The following SLC16A6 variants were observed in gnomAD, a reference collection of about 807,000 sequenced individuals.
The protein encoded by SLC16A6 is solute carrier family 16 member 6, also known as monocarboxylate transporter 7.
Under a neutral mutation model 33.8 loss-of-function variants are expected in SLC16A6, and 15 were observed. The ratio of observed to expected loss-of-function variants is 0.44; its 90% CI spans 0.30 to 0.68. The LOEUF (loss-of-function observed/expected upper bound fraction) is 0.68, where lower values mean the gene tolerates loss of function less well. SLC16A6 is among the 30% of genes least tolerant of loss of function. The pLI, the probability that SLC16A6 is intolerant of heterozygous loss-of-function variation, is 0.10. For missense variants in SLC16A6, 451 were observed against 661.5 expected, an observed-to-expected ratio of 0.68 and a Z score of 3.49; for synonymous variants, 219 against 248.4, an observed-to-expected ratio of 0.88 and a Z score of 1.11.
At chr17:68,287,315 C>T (rs1337687817) in intron 1 of SLC16A6, among the ~76,000 whole-genome samples, 1 of 151,698 alleles carries the variant, frequency 6.6e-6, no homozygotes, top group African/African-American at 2.4e-5. Flanking sequence ...GCATGCCCAG[C>T]CTTCTTCTTC....
At chr17:68,287,457 G>C (rs2075867347) in intron 1 of SLC16A6, among the ~76,000 whole-genome samples, 1 of 151,970 alleles carries the variant, frequency 6.6e-6, no homozygotes, top group South Asian at 2.1e-4. Flanking sequence ...ACCTCACCTA[G>C]CCAGATGGTG....
rs2075588240 is a variant in SLC16A6 at position 68,278,244 on chromosome 17, GCCCAGC to G, written c.71_76del (p.Gly24_Trp25del). 1 of 1,614,082 alleles carries G rather than the reference GCCCAGC, an allele frequency of 6.2e-7. No homozygotes were observed. Among genetic ancestry groups the G allele is most frequent in the Admixed American group, 1.7e-5 (1 of 59,998 alleles). ...AACGAAGAAAAATGAAACAGCTACC[GCCCAGC>G]CCCATCCTCCATCAGGCACTTCAGT... On this transcript the variant is annotated inframe_deletion, in exon 2 of 6. Transcript: ENST00000580666.
chr17:68,276,853 T>C (rs2075539798), intron 2 of SLC16A6, among the ~76,000 whole-genome samples: 1 of 152,208 alleles, frequency 6.6e-6, no homozygotes, highest in Non-Finnish European at 1.5e-5. Context: ...CTGGCATGTA[T>C]ATTCAATAGC....
At chr17:68,290,933 A>G (rs1209172689) in intron 1 of SLC16A6, among the ~76,000 whole-genome samples, 153 bp downstream of exon 1, 3 of 152,058 alleles carry the variant, frequency 2.0e-5, no homozygotes, top group Non-Finnish European at 4.4e-5. Flanking sequence ...GTCAGAGCGA[A>G]TATTTTTGGG....
chr17:68,271,075 T>A lies in SLC16A6; in HGVS notation c.1085A>T (p.Glu362Val). The A allele has an allele frequency of 2.5e-6, 4 of 1,614,126 alleles. No homozygotes were observed. In the South Asian group the frequency reaches 4.4e-5, roughly 18 times the overall value. The change falls in exon 5 of 6, where the codon GAG becomes GTG. Residue 362 changes from glutamate to valine, a missense_variant. Physicochemically the swap from Glu to Val is moderately radical, Grantham distance 121 (BLOSUM62 -2). Around this residue, in one of 2 missense-constraint regions of SLC16A6, gnomAD observed 405 missense variants for 510.7 expected, o/e 0.79. Coordinates refer to ENST00000580666, the MANE Select transcript of SLC16A6 (RefSeq NM_004694.5). The surrounding 1 kb of genome is among the most constrained non-coding windows in gnomAD (Gnocchi z 5.3). ...NREPIRKIYI[E>V]LICVILLTVS... is the part of the protein sequence containing the mutation. Reference sequence around the variant, plus strand: ...AGTCAATAAGATGACGCAGATGAGCTCAATGTAAATCTTACGAATGGGCTC... The same window carrying A: ...AGTCAATAAGATGACGCAGATGAGCACAATGTAAATCTTACGAATGGGCTC...
intron 1 of SLC16A6, among the ~76,000 whole-genome samples, chr17:68,286,914 T>G (rs1355989288): frequency 6.6e-6 from 1 of 152,214 alleles, no homozygotes; most frequent in Admixed American, 6.5e-5. Flanking sequence ...CTTGCAAACA[T>G]GGGTGTAAAG....
chr17:68,286,792 C>T (rs2075852219), intron 1 of SLC16A6, among the ~76,000 whole-genome samples: 1 of 151,810 alleles, frequency 6.6e-6, no homozygotes, highest in South Asian at 2.1e-4. Context: ...GTGTGAGAAA[C>T]AGCTGATACT....
chr17:68,285,050 G>A (rs2075809975), intron 1 of SLC16A6, among the ~76,000 whole-genome samples: 1 of 152,172 alleles, frequency 6.6e-6, no homozygotes, highest in African/African-American at 2.4e-5. Flanking sequence ...CCAAGAGATG[G>A]TCTCTGCCTC....
intron 2 of SLC16A6, among the ~76,000 whole-genome samples, chr17:68,275,079 CTAGT>C (rs1450634908): frequency 6.6e-6 from 1 of 152,320 alleles, no homozygotes; most frequent in South Asian, 2.1e-4. Flanking sequence ...CGCGCCCAGC[CTAGT>C]TAGTTTCTTG....
Position 68,270,746 on chromosome 17 carries a change from C to T in SLC16A6, c.1321+93G>A, listed in dbSNP as rs559030465. On this transcript the variant is annotated intron_variant, in intron 5 of 5. Coordinates refer to ENST00000580666, the MANE Select transcript of SLC16A6 (RefSeq NM_004694.5). ...TCTAAAATTCAATGGAAATATAAAA[C>T]GGCAGTAAGTTTTTTTTATGGCTTG... 4.4e-5 allele frequency: 48 copies of T among 1,080,554 alleles called. No individual in the cohort carries two copies. In the African/African-American group the frequency reaches 4.8e-4, roughly 11 times the overall value. 66.9% of individuals were successfully genotyped at this position (1,080,554 alleles called of 1,614,324 possible).
chr17:68,285,952 G>T (rs1304743792), intron 1 of SLC16A6, among the ~76,000 whole-genome samples: 3 of 152,042 alleles, frequency 2.0e-5, no homozygotes, highest in South Asian at 2.1e-4. Context: ...GTAGAGACAG[G>T]GTTTCACCAT....
intron 5 of SLC16A6, 76 bp downstream of exon 5, chr17:68,270,763 T>C (rs2075313290): frequency 7.6e-7 from 1 of 1,319,196 alleles, no homozygotes; most frequent in African/African-American, 1.5e-5. Context: ...AAGTTTTTTT[T>C]ATGGCTTGAA....
At position 68,271,645 on chromosome 17, in the gene SLC16A6, G is replaced by A; in HGVS notation, c.515C>T (p.Ala172Val). 1 of 1,610,616 alleles carries A rather than the reference G, an allele frequency of 6.2e-7. No individual in the cohort carries two copies. The highest frequency in any genetic ancestry group is 8.5e-7 in the Non-Finnish European group (1 of 1,177,304). ...AVFAFAPAIM[A>V]LKERIGWRYS... ...TCTCCAGCCAATGCGCTCCTTCAGA[G>A]CCATGATTGCTTGAATAGGCAGGAG... The change falls in exon 5 of 6, where the codon GCT becomes GTT. Residue 172 changes from alanine to valine, a missense_variant. Physicochemically the swap from Ala to Val is moderately conservative, Grantham distance 64. This residue lies in a region of SLC16A6 where 405 missense variants were observed against 510.7 expected (regional missense o/e 0.79). Coordinates refer to ENST00000580666, the MANE Select transcript of SLC16A6 (RefSeq NM_004694.5). The surrounding 1 kb of genome is among the most constrained non-coding windows in gnomAD (Gnocchi z 5.3).
In SLC16A6 at chr17:68,278,146, A is replaced by C; in HGVS notation, c.175T>G (p.Ser59Ala). 6 of 1,614,188 alleles carry C rather than the reference A, an allele frequency of 3.7e-6. No homozygotes were observed. The highest frequency in any genetic ancestry group is 5.1e-6 in the Non-Finnish European group (6 of 1,180,014). Residue 59 changes from serine to alanine, a missense_variant, in exon 2 of 6, where the codon TCC (serine) becomes GCC (alanine). Around this residue, in one of 2 missense-constraint regions of SLC16A6, gnomAD observed 405 missense variants for 510.7 expected, o/e 0.79. Transcript: ENST00000580666. ...FNDLMDSFNESNSRISWIISI... is the reference protein window; with the variant it reads ...FNDLMDSFNEANSRISWIISI... ...ATTATCCATGAGATCCTGCTATTGG[A>C]TTCATTAAAACTGTCCATTAAGTCA...
intron 2 of SLC16A6, chr17:68,274,369 G>C (rs1555750239): frequency 4.4e-6 from 1 of 226,876 alleles, no homozygotes; most frequent in Non-Finnish European, 9.0e-6. Flanking sequence ...GGCAGGCAGA[G>C]ATGGGAGGAT....
At chr17:68,272,500 C>T (rs1484494277) in intron 4 of SLC16A6, 139 bp downstream of exon 4, 3 of 990,934 alleles carry the variant, frequency 3.0e-6, no homozygotes, top group Admixed American at 2.4e-5. Flanking sequence ...TAAAAATGAG[C>T]TGGAGAAGAG....
chr17:68,288,570 C>T (rs2075896221), intron 1 of SLC16A6, among the ~76,000 whole-genome samples: 1 of 152,084 alleles, frequency 6.6e-6, no homozygotes, highest in Admixed American at 6.6e-5. Context: ...GGAATTTAGG[C>T]AAATCACTTC....
Position 68,274,014 on chromosome 17 carries a change from C to T in SLC16A6, c.289G>A (p.Gly97Arg). 6.2e-7 allele frequency: 1 copy of T among 1,614,144 alleles called. No homozygotes were observed. The highest frequency in any genetic ancestry group is 8.5e-7 in the Non-Finnish European group (1 of 1,180,030). Residue 97 changes from glycine to arginine, a missense_variant, in exon 3 of 6, where the codon GGG becomes AGG. Transcript: ENST00000580666. The part of the protein sequence containing the change: ...RFGHRLVVML[G>R]GLLVSTGMVA... ...ATCCCGGTGCTGACAAGTAGCCCCC[C>T]CAACATCACTACCAGACGGTGTCCG...
intron 4 of SLC16A6, among the ~76,000 whole-genome samples, chr17:68,272,256 T>A (rs1387763723): frequency 8.7e-6 from 1 of 114,318 alleles, no homozygotes; most frequent in Non-Finnish European, 2.0e-5. Context: ...TGTTTTGAGA[T>A]GATCTACACA....
Sources: allele counts gnomAD v4.1 joint callset (sites outside exome capture counted in the v4.1 genomes callset), GRCh38; gene constraint gnomAD v4.1.1; regional missense constraint gnomAD v4.1.1; non-coding constraint Gnocchi (gnomAD v3.1); transcripts MANE v1.5; gene names NCBI Gene and HGNC (gene_info 2026-07-23, HGNC 2026-07-21).